Variants in CDH12 observed in about 807,000 individuals in gnomAD.
CDH12 encodes cadherin 12.
CDH12 carries 41 observed loss-of-function variants against 74.1 expected under a neutral mutation model. That is an observed-to-expected ratio of 0.55 (90% CI 0.43 to 0.72). CDH12 has a LOEUF of 0.72. CDH12 is among the 30% of genes least tolerant of loss of function. The pLI, the probability that CDH12 is intolerant of heterozygous loss-of-function variation, is 0.00. For missense variants in CDH12, 945 were observed against 977.2 expected, an observed-to-expected ratio of 0.97 and a Z score of 0.44; for synonymous variants, 399 against 355.0, an observed-to-expected ratio of 1.12 and a Z score of -1.39.
intron 4 of CDH12, among the ~76,000 whole-genome samples, chr5:22,172,694 G>A (rs1318761140): frequency 1.3e-5 from 2 of 151,778 alleles, no homozygotes; most frequent in Non-Finnish European, 2.9e-5. Context: ...TTGGGTAGAT[G>A]ACTGTATACT....
chr5:22,062,829 A>G (rs1741282552), intron 5 of CDH12, among the ~76,000 whole-genome samples: 1 of 152,178 alleles, frequency 6.6e-6, no homozygotes, highest in Non-Finnish European at 1.5e-5. Context: ...CTTGAGACAT[A>G]CTTCTATGAA....
intron 5 of CDH12, among the ~76,000 whole-genome samples, chr5:22,047,143 A>G (rs1740010954): frequency 6.6e-6 from 1 of 152,162 alleles, no homozygotes; most frequent in Non-Finnish European, 1.5e-5. Flanking sequence ...ATCCTTGTCT[A>G]TGGATTGAAT....
chr5:22,196,271 C>T (rs1344155216), intron 4 of CDH12, among the ~76,000 whole-genome samples: 2 of 148,534 alleles, frequency 1.3e-5, no homozygotes, highest in Admixed American at 6.6e-5. Context: ...CAGTCTCCTG[C>T]GTGGCTGGGA....
chr5:22,028,781 C>A (rs1326585323), intron 5 of CDH12, among the ~76,000 whole-genome samples: 4 of 151,950 alleles, frequency 2.6e-5, no homozygotes, highest in Non-Finnish European at 5.9e-5. Context: ...CATATGGAAC[C>A]AAAAAAGAGC....
chr5:22,066,406 A>T (rs1484961742), intron 5 of CDH12, among the ~76,000 whole-genome samples: 1 of 152,078 alleles, frequency 6.6e-6, no homozygotes, highest in Non-Finnish European at 1.5e-5. Flanking sequence ...CCTTTGGGGG[A>T]CTACTGGACA....
chr5:22,174,010 G>A lies in CDH12; in HGVS notation c.-187+38488C>T, dbSNP rs1749195918. ...TACTAGTATTCTGTGAAACACATTA[G>A]GTGAATATAAATATTGTGATTTGTA... On this transcript the variant is annotated intron_variant, in intron 4 of 14. Coordinates refer to ENST00000382254, the MANE Select transcript of CDH12 (RefSeq NM_004061.5). Among the ~76,000 whole-genome samples the A allele has an allele frequency of 2.0e-5, 3 of 151,816 alleles. No homozygotes were observed. The South Asian group carries it at 6.2e-4, about 31-fold the overall frequency.
rs150148089 is a variant in CDH12, at chr5:22,047,988, T to G, written c.231+30458A>C. ...CCCCTTCTTTTGAGAGACTTCATAT[T>G]GTTTTCTCCGTATGAATGTGTTCTA... On this transcript the variant is annotated intron_variant, in intron 5 of 14. Coordinates refer to ENST00000382254, the MANE Select transcript of CDH12 (RefSeq NM_004061.5). Among the ~76,000 whole-genome samples, 32 of 152,298 alleles carry G rather than the reference T, an allele frequency of 2.1e-4. No homozygotes were observed. In the East Asian group the frequency reaches 6.2e-3, roughly 29 times the overall value.
intron 1 of CDH12, among the ~76,000 whole-genome samples, chr5:22,556,057 T>A (rs536828686): frequency 3.7e-4 from 55 of 148,546 alleles, no homozygotes; most frequent in Admixed American, 2.8e-3. Context: ...TCTGAGAATT[T>A]AAAAAAAAAA....
At chr5:21,862,849 T>G (rs972741280) in intron 6 of CDH12, among the ~76,000 whole-genome samples, 18 of 152,138 alleles carry the variant, frequency 1.2e-4, no homozygotes, top group Non-Finnish European at 1.9e-4. Context: ...TCTTGCTTTT[T>G]ATCACTCTGC....
chr5:22,609,892 C>T (rs16897311), intron 1 of CDH12, among the ~76,000 whole-genome samples: 9,990 of 152,150 alleles, frequency 0.066, 435 homozygotes, highest in East Asian at 0.24. Context: ...GAGGTAAAGC[C>T]CATGCTAGTG....
At chr5:21,967,922 T>C (rs1756659868) in intron 6 of CDH12, among the ~76,000 whole-genome samples, 1 of 152,152 alleles carries the variant, frequency 6.6e-6, no homozygotes, top group Non-Finnish European at 1.5e-5. Flanking sequence ...ACTCAGCAGA[T>C]TGTGAAGCAC....
chr5:22,559,504 AT>A (rs1459679788), intron 1 of CDH12, among the ~76,000 whole-genome samples: 10 of 152,102 alleles, frequency 6.6e-5, no homozygotes, highest in African/African-American at 2.4e-4. Context: ...TATGTAAGCC[AT>A]TTTGGAAGAG....
At chr5:22,463,869 C>G (rs1745620286) in intron 2 of CDH12, among the ~76,000 whole-genome samples, 1 of 152,054 alleles carries the variant, frequency 6.6e-6, no homozygotes, top group Admixed American at 6.6e-5. Context: ...GAAAAATAAT[C>G]ATATTTACTA....
At chr5:22,068,619 A>G (rs557482536) in intron 5 of CDH12, among the ~76,000 whole-genome samples, 2 of 152,316 alleles carry the variant, frequency 1.3e-5, no homozygotes, top group East Asian at 3.9e-4. Flanking sequence ...AATGACAAAG[A>G]GTTCTGGGGA....
At chr5:21,888,319 A>G (rs1330528676) in intron 6 of CDH12, among the ~76,000 whole-genome samples, 5 of 152,206 alleles carry the variant, frequency 3.3e-5, no homozygotes. Flanking sequence ...GACTTTAAAA[A>G]GATGACTAGT....
intron 2 of CDH12, among the ~76,000 whole-genome samples, chr5:22,416,558 G>C (rs1378251851): frequency 6.6e-6 from 1 of 152,058 alleles, no homozygotes; most frequent in Non-Finnish European, 1.5e-5. Context: ...TCAGGTTAAA[G>C]ATCAAATCAA....
intron 1 of CDH12, among the ~76,000 whole-genome samples, chr5:22,813,952 T>C (rs1219428557): frequency 6.6e-6 from 1 of 152,092 alleles, no homozygotes; most frequent in Non-Finnish European, 1.5e-5. Flanking sequence ...TAACTTTGTA[T>C]TTTTTTAACA....
At chr5:22,233,053 C>G (rs1017893671) in intron 3 of CDH12, among the ~76,000 whole-genome samples, 5 of 151,094 alleles carry the variant, frequency 3.3e-5, no homozygotes, top group African/African-American at 1.2e-4. Context: ...ATTATTATAG[C>G]TTTACCTTTA....
chr5:21,816,105 T>A (rs540079848), intron 9 of CDH12, among the ~76,000 whole-genome samples: 1 of 152,222 alleles, frequency 6.6e-6, no homozygotes, highest in South Asian at 2.1e-4. Context: ...GGGTTTGGAC[T>A]GTGCAGGGCC....
Sources: allele counts gnomAD v4.1 joint callset (sites outside exome capture counted in the v4.1 genomes callset), GRCh38; gene constraint gnomAD v4.1.1; transcripts MANE v1.5; gene names NCBI Gene and HGNC (gene_info 2026-07-23, HGNC 2026-07-21).